The following PPP1R1C variants were observed in gnomAD, a reference collection of about 807,000 sequenced individuals.
The protein encoded by PPP1R1C is protein phosphatase 1 regulatory subunit 1C.
In PPP1R1C, 15 loss-of-function variants were observed where a neutral mutation model predicts 17.4. The ratio of observed to expected loss-of-function variants is 0.86; its 90% CI spans 0.58 to 1.33. The LOEUF is 1.33. Ranked by LOEUF, PPP1R1C falls within the 40% of genes most tolerant of loss-of-function variation. PPP1R1C has a pLI of 0.00. For missense variants in PPP1R1C, 143 were observed against 130.0 expected (o/e 1.10, Z -0.48); for synonymous variants, 35 against 43.1 (o/e 0.81, Z 0.73).
chr2:181,989,936 T>C (rs1486110400), intron 2 of PPP1R1C, among the ~76,000 whole-genome samples: 2 of 152,206 alleles, frequency 1.3e-5, no homozygotes, highest in Non-Finnish European at 2.9e-5. Flanking sequence ...TGGATTTTTG[T>C]AGTAAAACCC....
chr2:182,115,971 G>A (rs147165997), intron 4 of PPP1R1C, among the ~76,000 whole-genome samples: 2 of 152,024 alleles, frequency 1.3e-5, no homozygotes, highest in Admixed American at 6.6e-5. Flanking sequence ...GTGTAAAATT[G>A]CCCACGTTAA....
intron 2 of PPP1R1C, among the ~76,000 whole-genome samples, chr2:182,029,523 G>A (rs1220366875): frequency 1.4e-5 from 2 of 148,108 alleles, no homozygotes; most frequent in East Asian, 4.0e-4. Context: ...TTTTCTTTAA[G>A]AATGTTGAAT....
intron 4 of PPP1R1C, among the ~76,000 whole-genome samples, chr2:182,081,076 C>T (rs1317049615): frequency 2.6e-5 from 4 of 152,132 alleles, no homozygotes; most frequent in Non-Finnish European, 4.4e-5. Context: ...TGATTAACTT[C>T]ATTTAAAGCA....
At chr2:182,017,123 A>G (rs956927278) in intron 2 of PPP1R1C, among the ~76,000 whole-genome samples, 9 of 152,178 alleles carry the variant, frequency 5.9e-5, no homozygotes, top group Admixed American at 1.3e-4. Context: ...AACAGTAGAC[A>G]TTCTAAGTGA....
At chr2:182,036,856 C>T (rs897171758) in intron 2 of PPP1R1C, among the ~76,000 whole-genome samples, 5 of 152,136 alleles carry the variant, frequency 3.3e-5, no homozygotes, top group Non-Finnish European at 5.9e-5. Flanking sequence ...AAGGTGAACT[C>T]ACTAGAAGCC....
chr2:182,102,211 A>G (rs1398216266), intron 4 of PPP1R1C, among the ~76,000 whole-genome samples: 1 of 152,222 alleles, frequency 6.6e-6, no homozygotes, highest in Admixed American at 6.5e-5. Context: ...CATATTGTCA[A>G]TAAATATGTC....
intron 2 of PPP1R1C, among the ~76,000 whole-genome samples, chr2:182,042,847 G>A (rs916492858): frequency 1.3e-5 from 2 of 152,306 alleles, no homozygotes; most frequent in Admixed American, 1.3e-4. Context: ...GGAAGCTGGA[G>A]GTATTAGCTT....
At chr2:182,079,423 C>T (rs1688407865) in intron 4 of PPP1R1C, among the ~76,000 whole-genome samples, 1 of 152,134 alleles carries the variant, frequency 6.6e-6, no homozygotes, top group Admixed American at 6.5e-5. Context: ...CAGGTTAGGT[C>T]ATTCTTTATT....
upstream of PPP1R1C, among the ~76,000 whole-genome samples, chr2:181,982,972 T>C (rs368241284): frequency 3.5e-4 from 54 of 152,330 alleles, no homozygotes; most frequent in African/African-American, 1.3e-3. Flanking sequence ...TTTCAGTCAG[T>C]TTGGTGGTAC....
chr2:181,982,028 A>G (rs1008088389), upstream of PPP1R1C, among the ~76,000 whole-genome samples: 1 of 152,218 alleles, frequency 6.6e-6, no homozygotes, highest in Non-Finnish European at 1.5e-5. Context: ...CGTCTCATAT[A>G]TCTGCATAAC....
intron 2 of PPP1R1C, among the ~76,000 whole-genome samples, chr2:182,002,857 C>G (rs1322854938): frequency 6.6e-6 from 1 of 150,900 alleles, no homozygotes; most frequent in East Asian, 2.0e-4. Flanking sequence ...CCCCTAGTAT[C>G]TGTACATAGT....
chr2:181,974,546 T>C (rs922661939), intron 1 of PPP1R1C, among the ~76,000 whole-genome samples: 7 of 152,224 alleles, frequency 4.6e-5, no homozygotes, highest in South Asian at 2.1e-4. Context: ...CATTCTGAGA[T>C]TGGATTCTTC....
At chr2:182,122,754 A>C (rs1306335773), downstream of PPP1R1C, among the ~76,000 whole-genome samples, 1 of 152,200 alleles carries the variant, frequency 6.6e-6, no homozygotes, top group Non-Finnish European at 1.5e-5. Flanking sequence ...TTGTTAGATA[A>C]ATCAAGTAGG....
intron 4 of PPP1R1C, among the ~76,000 whole-genome samples, chr2:182,109,504 G>C (rs1262607666): frequency 6.6e-6 from 1 of 152,038 alleles, no homozygotes. Flanking sequence ...GGATCAATTT[G>C]GGTTTTTTTG....
chr2:182,053,311 AAT>A (rs1687581927), intron 2 of PPP1R1C, among the ~76,000 whole-genome samples: 1 of 152,204 alleles, frequency 6.6e-6, no homozygotes, highest in Non-Finnish European at 1.5e-5. Context: ...ACTTTGAGCG[AAT>A]AGTTGATCTT....
intron 2 of PPP1R1C, among the ~76,000 whole-genome samples, chr2:182,055,219 G>C (rs1165447324): frequency 1.3e-5 from 2 of 151,988 alleles, no homozygotes; most frequent in African/African-American, 4.8e-5. Flanking sequence ...CAGTTTGCTG[G>C]TGCCAACTTT....
At chr2:182,029,582 G>T (rs879808075) in intron 2 of PPP1R1C, among the ~76,000 whole-genome samples, 17 of 139,356 alleles carry the variant, frequency 1.2e-4, no homozygotes, top group African/African-American at 4.7e-4. Flanking sequence ...TGAGAGATCC[G>T]CTGTTAGTCT....
chr2:182,004,055 G>T (rs564338977), intron 2 of PPP1R1C, among the ~76,000 whole-genome samples: 1 of 152,230 alleles, frequency 6.6e-6, no homozygotes, highest in Non-Finnish European at 1.5e-5. Context: ...TGTTAGAAAG[G>T]CGTGCCATAT....
chr2:182,061,721 C>A (rs1574420306), intron 3 of PPP1R1C, among the ~76,000 whole-genome samples: 1 of 152,058 alleles, frequency 6.6e-6, no homozygotes, highest in African/African-American at 2.4e-5. Context: ...CTTTTAATGG[C>A]AAAATGTGGT....
Sources: allele counts gnomAD v4.1 joint callset (sites outside exome capture counted in the v4.1 genomes callset), GRCh38; gene constraint gnomAD v4.1.1; transcripts MANE v1.5; gene names NCBI Gene and HGNC (gene_info 2026-07-23, HGNC 2026-07-21).